The following PKP4 variants were observed in gnomAD, a reference collection of about 807,000 sequenced individuals.
PKP4 encodes plakophilin-4.
Under a neutral mutation model 145.1 loss-of-function variants are expected in PKP4, and 90 were observed. The observed-to-expected ratio is 0.62, with a 90% CI of 0.52 to 0.74. The LOEUF (loss-of-function observed/expected upper bound fraction) is 0.74. Ranked by LOEUF, PKP4 falls within the 30% of genes least tolerant of loss-of-function variation. The pLI, the probability that PKP4 is intolerant of heterozygous loss-of-function variation, is 0.00. For missense variants in PKP4, 1,340 were observed against 1,482.7 expected (o/e 0.90, Z 1.58); for synonymous variants, 563 against 577.2 (o/e 0.98, Z 0.35).
chr2:158,470,788 C>G (rs1691441988), intron 1 of PKP4, among the ~76,000 whole-genome samples: 1 of 152,048 alleles, frequency 6.6e-6, no homozygotes, highest in Non-Finnish European at 1.5e-5. Flanking sequence ...TGAATTCATA[C>G]CCCTTGAGGG....
intron 2 of PKP4, among the ~76,000 whole-genome samples, chr2:158,558,445 G>T (rs2046270113): frequency 6.6e-6 from 1 of 152,272 alleles, no homozygotes; most frequent in Admixed American, 6.5e-5. Flanking sequence ...TATCTGTGAA[G>T]CCAAAGGAAG....
chr2:158,464,019 G>A (rs1690198089), intron 1 of PKP4, among the ~76,000 whole-genome samples: 1 of 152,284 alleles, frequency 6.6e-6, no homozygotes, highest in Non-Finnish European at 1.5e-5. Flanking sequence ...GGACTTACTT[G>A]TCTACAACCA....
chr2:158,667,194 T>C lies in PKP4; in HGVS notation c.2728+631T>C, dbSNP rs1449001836. On this transcript the variant is annotated intron_variant, in intron 16 of 21. Coordinates refer to ENST00000389759, the MANE Select transcript of PKP4 (RefSeq NM_003628.6). Reference sequence around the variant, plus strand: ...CGCTCCGCACCCCAGGCAGCTTGCTTGCCTCTGCGGCATTGCCACATCCTA... The same window carrying C: ...CGCTCCGCACCCCAGGCAGCTTGCTCGCCTCTGCGGCATTGCCACATCCTA... Among the ~76,000 whole-genome samples the C allele has an allele frequency of 2.0e-5, 3 of 152,172 alleles. No homozygotes were observed. In the East Asian group the frequency reaches 5.8e-4, roughly 29 times the overall value.
intron 1 of PKP4, among the ~76,000 whole-genome samples, chr2:158,513,915 T>C (rs915771327): frequency 6.6e-6 from 1 of 152,238 alleles, no homozygotes; most frequent in African/African-American, 2.4e-5. Context: ...TATGCCTCTC[T>C]GTCTTTGTAG....
chr2:158,547,849 C>T (rs2045221034), intron 2 of PKP4, among the ~76,000 whole-genome samples: 2 of 152,128 alleles, frequency 1.3e-5, no homozygotes, highest in Admixed American at 6.5e-5. Flanking sequence ...TGAGCAGACA[C>T]CTGAGTGAAA....
intron 2 of PKP4, among the ~76,000 whole-genome samples, chr2:158,575,913 C>T (rs181193461): frequency 3.9e-5 from 6 of 152,216 alleles, no homozygotes; most frequent in Admixed American, 3.3e-4. Flanking sequence ...TTATGTCTAT[C>T]TAGTCTTTTG....
intron 15 of PKP4, chr2:158,666,033 A>G (rs939883353): frequency 6.5e-6 from 1 of 154,754 alleles, no homozygotes; most frequent in Non-Finnish European, 1.4e-5. Context: ...CTGATGGGTT[A>G]CTGTCTCTGC....
chr2:158,680,476 T>C lies in PKP4; in HGVS notation c.3378T>C (p.Phe1126=), dbSNP rs878953043. ...AAGATGACTCCAACAGAAAGAACTT[T>C]GATGCATACAGATTGTATTTGCAGT... The part of the protein sequence containing the change: ...YSQDDSNRKN[F]DAYRLYLQSP... The change falls in exon 22 of 22, where the codon TTT becomes TTC. Residue 1126 remains phenylalanine, a synonymous_variant. Transcript: ENST00000389759. 6.2e-7 allele frequency: 1 copy of C among 1,612,766 alleles called. No homozygotes were observed. Among genetic ancestry groups the C allele is most frequent in the Non-Finnish European group, 8.5e-7 (1 of 1,178,836 alleles).
rs559212443 is a variant in PKP4, at chr2:158,531,494, AT to A, written c.-5-1679del. Among the ~76,000 whole-genome samples, 5 of 152,144 alleles carry A rather than the reference AT, an allele frequency of 3.3e-5. No individual in the cohort carries two copies. The South Asian group carries it at 8.3e-4, about 25-fold the overall frequency. ...TGCTAATCTAGGATCTTTGTGTAGC[AT>A]TTTTTTCCTTTATAGACCTTAGATC... On this transcript the variant is annotated intron_variant, in intron 1 of 21. Coordinates refer to ENST00000389759, the MANE Select transcript of PKP4 (RefSeq NM_003628.6).
At chr2:158,465,008 G>GGAGTCCCCTACTCCATAT (rs1690377647) in intron 1 of PKP4, among the ~76,000 whole-genome samples, 1 of 152,136 alleles carries the variant, frequency 6.6e-6, no homozygotes, top group Non-Finnish European at 1.5e-5. Context: ...CTCCATATCA[G>GGAGTCCCCTACTCCATAT]ACTGATAGGC....
intron 1 of PKP4, among the ~76,000 whole-genome samples, chr2:158,507,751 A>G (rs551128029): frequency 4.6e-5 from 7 of 152,296 alleles, no homozygotes; most frequent in Non-Finnish European, 7.4e-5. Flanking sequence ...AATACATTGA[A>G]TTGAGCAGTC....
chr2:158,522,864 G>A (rs1472448393), intron 1 of PKP4, among the ~76,000 whole-genome samples: 1 of 152,210 alleles, frequency 6.6e-6, no homozygotes, highest in South Asian at 2.1e-4. Context: ...CAAAGAAAGG[G>A]GTGACGGACG....
rs556605896 is a variant in PKP4 at position 158,546,196 on chromosome 2, T to C, written c.132+12880T>C. On this transcript the variant is annotated intron_variant, in intron 2 of 21. Coordinates refer to ENST00000389759, the MANE Select transcript of PKP4 (RefSeq NM_003628.6). Reference sequence around the variant, plus strand: ...TGGTATTAAATAAAATGAAAAAGACTGATTTCAAATATTAATCTTTTTAGA... The same window carrying C: ...TGGTATTAAATAAAATGAAAAAGACCGATTTCAAATATTAATCTTTTTAGA... Among the ~76,000 whole-genome samples the C allele has an allele frequency of 2.6e-5, 4 of 152,366 alleles. No individual in the cohort carries two copies. In the South Asian group the frequency reaches 6.2e-4, roughly 24 times the overall value.
chr2:158,594,193 G>A (rs2049515540), intron 3 of PKP4, among the ~76,000 whole-genome samples: 1 of 152,134 alleles, frequency 6.6e-6, no homozygotes, highest in African/African-American at 2.4e-5. Context: ...GAGCCTCACT[G>A]GTGGAAGGCA....
At chr2:158,579,657 A>T (rs966632175) in intron 3 of PKP4, among the ~76,000 whole-genome samples, 1 of 152,136 alleles carries the variant, frequency 6.6e-6, no homozygotes, top group African/African-American at 2.4e-5. Flanking sequence ...CTTATTCCTT[A>T]GAATGGAAAT....
At chr2:158,481,704 A>G (rs1693380325) in intron 1 of PKP4, among the ~76,000 whole-genome samples, 2 of 152,148 alleles carry the variant, frequency 1.3e-5, no homozygotes, top group African/African-American at 4.8e-5. Flanking sequence ...AGAAATATTT[A>G]TTTAAATCCT....
rs552885835 is a variant in PKP4 at position 158,678,625 on chromosome 2, C to T, written c.3301C>T (p.Pro1101Ser). The part of the protein sequence containing the change: ...SPIYISSYSS[P>S]AREQNRRLQH... ...AATTTACATCAGTTCCTATTCCTCA[C>T]CAGCAAGAGAACAAAATAGACGGCT... is the stretch of plus-strand genomic sequence containing the variant. The change falls in exon 21 of 22, where the codon CCA becomes TCA. Residue 1101 changes from proline to serine, a missense_variant. Physicochemically the swap from Pro to Ser is moderately conservative, Grantham distance 74 (BLOSUM62 -1). Coordinates refer to ENST00000389759, the MANE Select transcript of PKP4 (RefSeq NM_003628.6). The T allele has an allele frequency of 7.5e-6, 12 of 1,608,774 alleles. No homozygotes were observed. In the East Asian group the frequency reaches 2.7e-4, roughly 36 times the overall value.
rs752708843 is a variant in PKP4 at position 158,485,814 on chromosome 2, A to T, written c.-6+28596A>T. 3.3e-5 allele frequency among the ~76,000 whole-genome samples: 5 copies of T among 152,216 alleles called. 1 individual carries two copies. Among genetic ancestry groups the T allele is most frequent in the Non-Finnish European group, 7.3e-5 (5 of 68,032 alleles). ...TTTGTTTTGTTTTTATCTCAAGTAT[A>T]AGAATAGACATTAATTAGTTTATGT... On this transcript the variant is annotated intron_variant, in intron 1 of 21. Coordinates refer to ENST00000389759, the MANE Select transcript of PKP4 (RefSeq NM_003628.6).
chr2:158,475,043 T>G (rs1021061081), intron 1 of PKP4, among the ~76,000 whole-genome samples: 3 of 152,238 alleles, frequency 2.0e-5, no homozygotes, highest in African/African-American at 4.8e-5. Context: ...TCAGGCTAGT[T>G]AGTTATACTG....
Sources: gnomAD v4.1 joint callset for allele counts (sites outside exome capture counted in the v4.1 genomes callset) on GRCh38, gnomAD v4.1.1 for gene constraint, MANE v1.5 for transcripts, NCBI Gene and HGNC (gene_info 2026-07-23, HGNC 2026-07-21) for gene names.